The following KCTD16 variants were observed in gnomAD, a reference collection of about 807,000 sequenced individuals.
KCTD16 encodes the protein potassium channel tetramerization domain containing 16, also known as BTB/POZ domain-containing protein KCTD16.
KCTD16 carries 13 observed loss-of-function variants against 33.2 expected under a neutral mutation model. The observed-to-expected ratio is 0.39, with a 90% confidence interval of 0.25 to 0.62. The LOEUF is 0.62. Ranked by LOEUF, KCTD16 falls within the 20% of genes least tolerant of loss-of-function variation. The pLI is 0.50. For synonymous variants in KCTD16, 197 were observed against 195.3 expected, an observed-to-expected ratio of 1.01 and a Z score of -0.07; for missense variants, 441 against 525.1, an observed-to-expected ratio of 0.84 and a Z score of 1.57.
chr5:144,188,691 G>A (rs1398818737), intron 2 of KCTD16, among the ~76,000 whole-genome samples: 2 of 152,216 alleles, frequency 1.3e-5, no homozygotes, highest in Non-Finnish European at 2.9e-5. Context: ...TATACATGAA[G>A]AGAAATGTAT....
At chr5:144,262,663 A>G (rs1222570055) in intron 3 of KCTD16, among the ~76,000 whole-genome samples, 1 of 152,198 alleles carries the variant, frequency 6.6e-6, no homozygotes, top group Non-Finnish European at 1.5e-5. Flanking sequence ...ATTGTCTTAA[A>G]AGAGAAAGAC....
intron 3 of KCTD16, among the ~76,000 whole-genome samples, chr5:144,353,845 G>C (rs1048723854): frequency 4.6e-5 from 7 of 151,820 alleles, no homozygotes; most frequent in Non-Finnish European, 1.0e-4. Flanking sequence ...TCGCAAAAAG[G>C]GGTTTAAAAC....
chr5:144,423,962 T>G (rs888170120), intron 3 of KCTD16, among the ~76,000 whole-genome samples: 2 of 152,168 alleles, frequency 1.3e-5, no homozygotes, highest in Non-Finnish European at 2.9e-5. Context: ...GTGCATAATT[T>G]TCATGATATC....
rs548026634 is a variant in KCTD16 at position 144,285,765 on chromosome 5, G to A, written c.832+78219G>A. On this transcript the variant is annotated intron_variant, in intron 3 of 3. Coordinates refer to ENST00000512467, the MANE Select transcript of KCTD16 (RefSeq NM_020768.4). ...CAAACGTAGAGCTATAATCTCGAAT[G>A]ATGGTATTTTGTGATTGGCATTCTG... is the stretch of plus-strand genomic sequence containing the variant. Among the ~76,000 whole-genome samples, 49 of 152,246 alleles carry A rather than the reference G, an allele frequency of 3.2e-4. 1 individual carries two copies. The highest frequency in any genetic ancestry group is 1.1e-3 in the African/African-American group (44 of 41,538).
At chr5:144,470,411 A>G (rs556193592) in intron 3 of KCTD16, among the ~76,000 whole-genome samples, 1 of 152,318 alleles carries the variant, frequency 6.6e-6, no homozygotes, top group South Asian at 2.1e-4. Flanking sequence ...ATTATTTTTC[A>G]AACTTCACAA....
chr5:144,250,904 T>C (rs774994919), intron 3 of KCTD16, among the ~76,000 whole-genome samples: 11 of 152,202 alleles, frequency 7.2e-5, no homozygotes, highest in Non-Finnish European at 8.8e-5. Context: ...TTTTAGCATA[T>C]GGTAATTGAA....
At chr5:144,366,559 C>G (rs1002527866) in intron 3 of KCTD16, among the ~76,000 whole-genome samples, 1 of 152,170 alleles carries the variant, frequency 6.6e-6, no homozygotes, top group Non-Finnish European at 1.5e-5. Flanking sequence ...CATTTGCTAA[C>G]TCTATGTTTG....
chr5:144,315,030 C>G (rs148870733), intron 3 of KCTD16, among the ~76,000 whole-genome samples: 1 of 152,166 alleles, frequency 6.6e-6, no homozygotes, highest in Non-Finnish European at 1.5e-5. Context: ...AGGATCCAAC[C>G]GTTGTCCTTT....
chr5:144,282,087 A>T (rs1385913514), intron 3 of KCTD16, among the ~76,000 whole-genome samples: 1 of 152,186 alleles, frequency 6.6e-6, no homozygotes, highest in Non-Finnish European at 1.5e-5. Flanking sequence ...TAACTGGTGG[A>T]TAGTGGCTGG....
In KCTD16 at chr5:144,417,272, CTTG is replaced by C. The variant is rs1275947188; in HGVS notation, c.833-56385_833-56383del. Among the ~76,000 whole-genome samples the C allele has an allele frequency of 6.6e-5, 10 of 152,160 alleles. No homozygotes were observed. In the South Asian group the frequency reaches 1.0e-3, roughly 16 times the overall value. On this transcript the variant is annotated intron_variant, in intron 3 of 3. Transcript: ENST00000512467. The stretch of plus-strand genomic sequence containing the variant: ...TAATTTCTTTACCTCTTCATCAACA[CTTG>C]TTATTTTTATTTTAAAAATATATTA...
chr5:144,225,245 C>T (rs2126807649), intron 3 of KCTD16, among the ~76,000 whole-genome samples: 1 of 151,796 alleles, frequency 6.6e-6, no homozygotes, highest in Non-Finnish European at 1.5e-5. Flanking sequence ...TTCTTCTTTT[C>T]CTCTTCAAAT....
chr5:144,377,694 C>T (rs1049279131), intron 3 of KCTD16: 1 of 152,154 alleles, frequency 6.6e-6, no homozygotes, highest in South Asian at 2.1e-4. Flanking sequence ...AGAATGACAT[C>T]CTGCTGACAA....
chr5:144,443,991 G>A (rs995094225), intron 3 of KCTD16, among the ~76,000 whole-genome samples: 14 of 152,004 alleles, frequency 9.2e-5, no homozygotes, highest in African/African-American at 3.4e-4. Flanking sequence ...GCTATCAGGT[G>A]TAATAGGGTA....
chr5:144,302,570 ATCT>A (rs1751471625), intron 3 of KCTD16, among the ~76,000 whole-genome samples: 2 of 152,168 alleles, frequency 1.3e-5, no homozygotes, highest in African/African-American at 2.4e-5. Flanking sequence ...AAATTTATAA[ATCT>A]TCACCCACTG....
At chr5:144,462,972 A>G (rs1383726004) in intron 3 of KCTD16, among the ~76,000 whole-genome samples, 2 of 152,236 alleles carry the variant, frequency 1.3e-5, no homozygotes, top group East Asian at 3.8e-4. Flanking sequence ...TGATTTAACA[A>G]TCAAAGACAA....
chr5:144,280,242 AAATT>A (rs1450438100), intron 3 of KCTD16, among the ~76,000 whole-genome samples: 2 of 152,146 alleles, frequency 1.3e-5, no homozygotes, highest in Non-Finnish European at 2.9e-5. Context: ...TAAGGAATTT[AAATT>A]ATTATTATTT....
At chr5:144,349,142 T>A (rs1286258319) in intron 3 of KCTD16, among the ~76,000 whole-genome samples, 1 of 152,168 alleles carries the variant, frequency 6.6e-6, no homozygotes. Context: ...AACAAAATGT[T>A]TTATACATCT....
In KCTD16 at chr5:144,393,731, G is replaced by A. The variant is rs538847560; in HGVS notation, c.833-79929G>A. Reference sequence around the variant, plus strand: ...CCTATTCCCTGACAACCTGCATTCTGTAGTTTCAATGACTTGTAGGTTGCA... The same window carrying A: ...CCTATTCCCTGACAACCTGCATTCTATAGTTTCAATGACTTGTAGGTTGCA... On this transcript the variant is annotated intron_variant, in intron 3 of 3. Coordinates refer to ENST00000512467, the MANE Select transcript of KCTD16 (RefSeq NM_020768.4). Among the ~76,000 whole-genome samples, 18 of 152,270 alleles carry A rather than the reference G, an allele frequency of 1.2e-4. No individual in the cohort carries two copies. The South Asian group carries it at 3.7e-3, about 32-fold the overall frequency.
intron 3 of KCTD16, among the ~76,000 whole-genome samples, chr5:144,229,534 G>A (rs1469236720): frequency 2.0e-5 from 3 of 152,118 alleles, no homozygotes; most frequent in Non-Finnish European, 1.5e-5. Flanking sequence ...TGTGGCTATC[G>A]AAAGGGCCAC....
Sources: allele counts gnomAD v4.1 joint callset (sites outside exome capture counted in the v4.1 genomes callset), GRCh38; gene constraint gnomAD v4.1.1; transcripts MANE v1.5; gene names NCBI Gene and HGNC (gene_info 2026-07-23, HGNC 2026-07-21).